Variants in ATL1 observed in about 807,000 individuals in gnomAD.
The protein encoded by ATL1 is atlastin GTPase 1, also known as atlastin-1.
Under a neutral mutation model 75.5 loss-of-function variants are expected in ATL1, and 31 were observed. That is an observed-to-expected ratio of 0.41 (90% CI 0.31 to 0.55). ATL1 has a LOEUF of 0.55. Among genes scored for constraint, ATL1 ranks in the 20% least tolerant of loss-of-function variants. ATL1 has a pLI of 0.27. For synonymous variants in ATL1, 226 were observed against 233.3 expected (o/e 0.97, Z 0.28); for missense variants, 405 against 662.6 (o/e 0.61, Z 4.27).
chr14:50,554,806 C>A (rs2038745190), intron 1 of ATL1, among the ~76,000 whole-genome samples: 1 of 152,170 alleles, frequency 6.6e-6, no homozygotes, highest in Admixed American at 6.5e-5. Flanking sequence ...CTCATCCACT[C>A]GCTGGGCTGG....
intron 1 of ATL1, among the ~76,000 whole-genome samples, chr14:50,581,027 A>G (rs951469916): frequency 1.6e-4 from 24 of 151,882 alleles, no homozygotes; most frequent in African/African-American, 5.8e-4. Flanking sequence ...TGTAGGATCT[A>G]TAGTATCTTT....
intron 1 of ATL1, among the ~76,000 whole-genome samples, chr14:50,548,544 C>G (rs955551579): frequency 6.6e-6 from 1 of 152,132 alleles, no homozygotes; most frequent in African/African-American, 2.4e-5. Flanking sequence ...GAGTCTTGCT[C>G]TGTCACCCAG....
chr14:50,608,627 C>T (rs1478066096), intron 6 of ATL1, among the ~76,000 whole-genome samples: 2 of 151,900 alleles, frequency 1.3e-5, no homozygotes, highest in Non-Finnish European at 2.9e-5. Flanking sequence ...TGCTTCTATA[C>T]CACACATGGT....
At chr14:50,569,587 G>C (rs1167562848) in intron 1 of ATL1, among the ~76,000 whole-genome samples, 1 of 152,026 alleles carries the variant, frequency 6.6e-6, no homozygotes, top group South Asian at 2.1e-4. Flanking sequence ...ACAAACTGTT[G>C]TTAAAATAAT....
At chr14:50,564,647 CAAAAAAAAAAAA>C (rs60054322) in intron 1 of ATL1, among the ~76,000 whole-genome samples, 1,591 of 40,140 alleles carry the variant, frequency 0.04, 31 homozygotes, top group East Asian at 0.14. Context: ...GATTCCGTCT[CAAAAAAAAAAAA>C]AAAAAAAAAA....
chr14:50,619,499 G>A (rs550134182), intron 8 of ATL1, among the ~76,000 whole-genome samples: 5 of 152,244 alleles, frequency 3.3e-5, no homozygotes, highest in South Asian at 2.1e-4. Flanking sequence ...CACTGCACCC[G>A]GCCCCAATTT....
rs542431760 is a variant in ATL1, at chr14:50,621,786, A to C, written c.991-57A>C. ...AGAACTTAGAATGCAATTTCATAGA[A>C]TTAGAGGAAATATTGAATGGAATTG... On this transcript the variant is annotated intron_variant, in intron 9 of 13. Transcript: ENST00000358385. 21 of 1,087,308 alleles carry C rather than the reference A, an allele frequency of 1.9e-5. No individual in the cohort carries two copies. In the African/African-American group the frequency reaches 3.3e-4, roughly 17 times the overall value. The allele number at this position is 1,087,308 out of a possible 1,614,324, so 67.4% of individuals were successfully genotyped here.
At chr14:50,626,237 T>C (rs757572344) in intron 11 of ATL1, among the ~76,000 whole-genome samples, 1 of 152,212 alleles carries the variant, frequency 6.6e-6, no homozygotes, top group Non-Finnish European at 1.5e-5. Flanking sequence ...ATAGCTGCCA[T>C]AGATAGTGAT....
At chr14:50,576,415 G>A (rs1175077860) in intron 1 of ATL1, among the ~76,000 whole-genome samples, 1 of 152,152 alleles carries the variant, frequency 6.6e-6, no homozygotes, top group Non-Finnish European at 1.5e-5. Context: ...TAAAGTGCTA[G>A]TTTCCATCTG....
Position 50,538,898 on chromosome 14 carries a change from C to T in ATL1, c.-140+5531C>T, listed in dbSNP as rs74050946. Among the ~76,000 whole-genome samples the T allele has an allele frequency of 5.4e-3, 815 of 152,320 alleles. 10 individuals carry two copies. The highest frequency in any genetic ancestry group is 0.018 in the African/African-American group (762 of 41,560). On this transcript the variant is annotated intron_variant, in intron 1 of 13. Coordinates refer to the ATL1 transcript ENST00000441560. ...TAACAAGTGCTATCATACTGTACCA[C>T]AGCCTCAAACTCCTGGCCTCAAGCA...
At chr14:50,560,352 A>G (rs1233083909) in intron 1 of ATL1, 53 bp downstream of exon 1, 10 of 1,601,124 alleles carry the variant, frequency 6.2e-6, no homozygotes, top group Non-Finnish European at 8.5e-6. Flanking sequence ...CTGGCCCTCC[A>G]CTTTCTGCTT....
At chr14:50,539,143 T>G (rs2038530419) in intron 1 of ATL1, among the ~76,000 whole-genome samples, 1 of 152,246 alleles carries the variant, frequency 6.6e-6, no homozygotes, top group Admixed American at 6.5e-5. Context: ...GATGATTACT[T>G]GTATAAACTA....
upstream of ATL1, among the ~76,000 whole-genome samples, chr14:50,557,570 T>C (rs1171988828): frequency 1.3e-5 from 2 of 152,248 alleles, no homozygotes; most frequent in Non-Finnish European, 2.9e-5. Flanking sequence ...TGTATTATAA[T>C]GTATTCAACC....
At chr14:50,602,315 T>A (rs2039278986) in intron 6 of ATL1, among the ~76,000 whole-genome samples, 1 of 152,076 alleles carries the variant, frequency 6.6e-6, no homozygotes, top group Non-Finnish European at 1.5e-5. Context: ...GTGGAGAGGG[T>A]TTCCACTCCG....
At chr14:50,569,312 A>G (rs1034637257) in intron 1 of ATL1, among the ~76,000 whole-genome samples, 2 of 152,042 alleles carry the variant, frequency 1.3e-5, no homozygotes, top group African/African-American at 4.8e-5. Context: ...TTGAGCCATG[A>G]TCATGCCACT....
At chr14:50,629,934 T>C (rs550234467) in intron 12 of ATL1, 61 bp from the exon 13 acceptor site, 1 of 1,297,774 alleles carries the variant, frequency 7.7e-7, no homozygotes, top group Non-Finnish European at 1.1e-6. Flanking sequence ...TTGATTATAA[T>C]GCTGTTAATA....
intron 6 of ATL1, among the ~76,000 whole-genome samples, chr14:50,596,229 A>G (rs2140210482): frequency 6.6e-6 from 1 of 152,220 alleles, no homozygotes; most frequent in Non-Finnish European, 1.5e-5. Flanking sequence ...AGCTACTCGG[A>G]TAGCTGTGGT....
At chr14:50,597,796 G>A (rs1406417133) in intron 6 of ATL1, among the ~76,000 whole-genome samples, 1 of 152,180 alleles carries the variant, frequency 6.6e-6, no homozygotes, top group East Asian at 1.9e-4. Flanking sequence ...TGGGATTCAC[G>A]CCATTCTCCT....
chr14:50,619,439 A>G (rs540758000), intron 8 of ATL1, among the ~76,000 whole-genome samples: 1 of 152,122 alleles, frequency 6.6e-6, no homozygotes, highest in African/African-American at 2.4e-5. Flanking sequence ...CTGACCTCAA[A>G]TGATCCACCT....
Sources: gnomAD v4.1 joint callset for allele counts (sites outside exome capture counted in the v4.1 genomes callset) on GRCh38, gnomAD v4.1.1 for gene constraint, MANE v1.5 for transcripts, NCBI Gene and HGNC (gene_info 2026-07-23, HGNC 2026-07-21) for gene names.